Variants in EYS observed in about 807,000 individuals in gnomAD.
The protein encoded by EYS is protein eyes shut homolog.
Under a neutral mutation model 282.1 loss-of-function variants are expected in EYS, and 250 were observed. That is an observed-to-expected ratio of 0.89 (90% confidence interval 0.80 to 0.98). The LOEUF is 0.98. Ranked by LOEUF, EYS falls within the 50% of genes least tolerant of loss-of-function variation. EYS has a pLI of 0.00. For synonymous variants in EYS, 1,355 were observed against 1,282.9 expected, an observed-to-expected ratio of 1.06 and a Z score of -1.20; for missense variants, 4,016 against 3,709.0, an observed-to-expected ratio of 1.08 and a Z score of -2.15.
intron 2 of EYS, among the ~76,000 whole-genome samples, chr6:65,604,774 A>G (rs1380591553): frequency 6.6e-6 from 1 of 151,508 alleles, no homozygotes; most frequent in Non-Finnish European, 1.5e-5. Flanking sequence ...TTAAATAAAT[A>G]TTAGTGTTAG....
At chr6:65,006,472 C>A (rs1771662414) in intron 13 of EYS, among the ~76,000 whole-genome samples, 1 of 135,934 alleles carries the variant, frequency 7.4e-6, no homozygotes, top group African/African-American at 2.8e-5. Context: ...TCGTTGTGAG[C>A]ACACCTCACC....
At position 64,137,242 on chromosome 6, in the gene EYS, A is replaced by C. The variant is rs114820186; in HGVS notation, c.6425-55240T>G. ...AGAGAGTTAGGCGTTGCTCTGGATT[A>C]GTCTTTGGTTTAAGAGAATGTTGTG... On this transcript the variant is annotated intron_variant, in intron 31 of 42. Coordinates refer to ENST00000503581, the MANE Select transcript of EYS (RefSeq NM_001142800.2). 3.2e-3 allele frequency among the ~76,000 whole-genome samples: 474 copies of C among 149,996 alleles called. 1 individual carries two copies. Among genetic ancestry groups the C allele is most frequent in the African/African-American group, 0.012 (457 of 39,432 alleles).
intron 2 of EYS, among the ~76,000 whole-genome samples, chr6:65,560,210 T>C (rs7773855): frequency 0.11 from 12,441 of 116,236 alleles, 724 homozygotes; most frequent in African/African-American, 0.2. Flanking sequence ...CTTATATTTA[T>C]ATTATAAAAT....
chr6:65,622,863 C>A (rs982281650), intron 2 of EYS, among the ~76,000 whole-genome samples: 3 of 151,430 alleles, frequency 2.0e-5, no homozygotes, highest in Non-Finnish European at 4.4e-5. Flanking sequence ...GTCCGGTGGT[C>A]CTCCCAACAT....
chr6:63,740,080 GA>G (rs1271639863), intron 41 of EYS, among the ~76,000 whole-genome samples: 1 of 152,106 alleles, frequency 6.6e-6, no homozygotes, highest in Non-Finnish European at 1.5e-5. Context: ...ATTCCAAAAA[GA>G]TAATGTGTAT....
intron 15 of EYS, among the ~76,000 whole-genome samples, chr6:64,919,869 A>G (rs2150080882): frequency 6.6e-6 from 1 of 152,270 alleles, no homozygotes; most frequent in African/African-American, 2.4e-5. Flanking sequence ...TTCATAGAAG[A>G]AAGCTAAAAT....
chr6:63,919,794 G>T (rs761695300), intron 35 of EYS, among the ~76,000 whole-genome samples: 2 of 152,214 alleles, frequency 1.3e-5, no homozygotes, highest in Non-Finnish European at 2.9e-5. Flanking sequence ...GGAGCTTTTA[G>T]ATCCAGCAGT....
intron 22 of EYS, among the ~76,000 whole-genome samples, chr6:64,693,532 C>T (rs987797606): frequency 1.4e-4 from 21 of 152,120 alleles, no homozygotes; most frequent in African/African-American, 4.8e-4. Context: ...CAAAGTAATT[C>T]AATAGTGAAT....
intron 5 of EYS, among the ~76,000 whole-genome samples, chr6:65,436,160 G>A (rs541080650): frequency 2.2e-4 from 34 of 152,202 alleles, no homozygotes; most frequent in African/African-American, 7.7e-4. Flanking sequence ...CATATTAGCA[G>A]ATGGAATGAG....
At chr6:65,482,593 A>G (rs1562211755) in intron 5 of EYS, among the ~76,000 whole-genome samples, 2 of 152,164 alleles carry the variant, frequency 1.3e-5, no homozygotes, top group Non-Finnish European at 2.9e-5. Flanking sequence ...AATTCTACCC[A>G]CTGGTGAGGA....
rs66790325 is a variant in EYS, at chr6:65,141,649, G to GTCTA, written c.2024-83926_2024-83923dup. ...AGTCAGTCTGTCTGTCTGTCTGTCT[G>GTCTA]TCTATCTATCTATCTATCTATCTAT... On this transcript the variant is annotated intron_variant, in intron 12 of 42. Transcript: ENST00000503581. Among the ~76,000 whole-genome samples the GTCTA allele has an allele frequency of 8.5e-3, 1,118 of 131,298 alleles. 6 individuals carry two copies. Among genetic ancestry groups the GTCTA allele is most frequent in the African/African-American group, 0.021 (636 of 30,892 alleles). 86.1% of individuals were successfully genotyped at this position (131,298 alleles called of 152,430 possible).
At chr6:64,009,800 T>C (rs1269790618) in intron 33 of EYS, among the ~76,000 whole-genome samples, 1 of 152,138 alleles carries the variant, frequency 6.6e-6, no homozygotes, top group Non-Finnish European at 1.5e-5. Context: ...AAAAAGGCAC[T>C]CTGGTTTTTT....
intron 2 of EYS, among the ~76,000 whole-genome samples, chr6:65,526,745 G>A (rs935466346): frequency 6.6e-6 from 1 of 152,148 alleles, no homozygotes; most frequent in Non-Finnish European, 1.5e-5. Flanking sequence ...GGCGAAGCTT[G>A]CAGTGAGCCC....
rs1043899477 is a variant in EYS at position 65,015,738 on chromosome 6, C to A, written c.2138-18035G>T. On this transcript the variant is annotated intron_variant, in intron 13 of 42. Coordinates refer to ENST00000503581, the MANE Select transcript of EYS (RefSeq NM_001142800.2). The stretch of plus-strand genomic sequence containing the variant: ...CAGAAAATAAAAAATGCTGAGGTTC[C>A]CACTGAAATTGTACCACCGGGTGCA... Among the ~76,000 whole-genome samples, 4 of 151,294 alleles carry A rather than the reference C, an allele frequency of 2.6e-5. No homozygotes were observed. In the Admixed American group the frequency reaches 2.6e-4, roughly 10 times the overall value.
intron 30 of EYS, among the ~76,000 whole-genome samples, chr6:64,278,810 C>T (rs1385010209): frequency 6.6e-6 from 1 of 152,040 alleles, no homozygotes; most frequent in Non-Finnish European, 1.5e-5. Context: ...GTCATTCAGG[C>T]TGGAGTGCTG....
At chr6:64,443,268 C>A (rs1300250282) in intron 26 of EYS, among the ~76,000 whole-genome samples, 2 of 152,102 alleles carry the variant, frequency 1.3e-5, no homozygotes, top group Non-Finnish European at 2.9e-5. Flanking sequence ...CCAAGTTTTC[C>A]CATTTGGAAT....
intron 14 of EYS, among the ~76,000 whole-genome samples, chr6:64,995,309 C>T (rs1017110172): frequency 2.0e-5 from 3 of 152,130 alleles, no homozygotes; most frequent in Non-Finnish European, 2.9e-5. Context: ...GGAGAATACA[C>T]CTGGAAGACT....
At position 64,698,211 on chromosome 6, in the gene EYS, A is replaced by G. The variant is rs1770653858; in HGVS notation, c.3444-71966T>C. Among the ~76,000 whole-genome samples, 3 of 152,260 alleles carry G rather than the reference A, an allele frequency of 2.0e-5. 1 individual carries two copies. In the South Asian group the frequency reaches 6.2e-4, roughly 32 times the overall value. On this transcript the variant is annotated intron_variant, in intron 22 of 42. Coordinates refer to ENST00000503581, the MANE Select transcript of EYS (RefSeq NM_001142800.2). ...CAGTGCTAAGAGAGAAGTTTATTGC[A>G]TTAAATACCTACATGAAAGAAATAG...
At chr6:65,008,513 G>A (rs760164819) in intron 13 of EYS, among the ~76,000 whole-genome samples, 118 of 152,106 alleles carry the variant, frequency 7.8e-4, no homozygotes, top group Non-Finnish European at 3.5e-4. Context: ...AGCGGACTTC[G>A]GAGGCTCTGG....
Sources: allele counts gnomAD v4.1 joint callset (sites outside exome capture counted in the v4.1 genomes callset), GRCh38; gene constraint gnomAD v4.1.1; transcripts MANE v1.5; gene names NCBI Gene and HGNC (gene_info 2026-07-23, HGNC 2026-07-21).